The following ECPAS variants were observed in gnomAD, a reference collection of about 807,000 sequenced individuals.
ECPAS encodes the protein proteasome adapter and scaffold protein ECM29.
Under a neutral mutation model 255.1 loss-of-function variants are expected in ECPAS, and 70 were observed. The ratio of observed to expected loss-of-function variants is 0.27; its 90% CI spans 0.23 to 0.33. ECPAS has a LOEUF of 0.33. ECPAS is among the 10% of genes least tolerant of loss of function. The pLI is 1.00. For synonymous variants in ECPAS, 784 were observed against 775.0 expected (o/e 1.01, Z -0.19); for missense variants, 1,817 against 2,206.4 (o/e 0.82, Z 3.54).
At chr9:111,409,119 A>C (rs116977974) in intron 23 of ECPAS, among the ~76,000 whole-genome samples, 2,474 of 152,324 alleles carry the variant, frequency 0.016, 35 homozygotes, top group Non-Finnish European at 0.021. Context: ...TAGAAGATTC[A>C]ATCAATGCAT....
chr9:111,471,326 C>T (rs887493665), intron 2 of ECPAS, among the ~76,000 whole-genome samples: 2 of 152,036 alleles, frequency 1.3e-5, no homozygotes, highest in African/African-American at 2.4e-5. Flanking sequence ...TCTCTAAACG[C>T]CCAAGGAATA....
In ECPAS at chr9:111,484,196, G is replaced by C; in HGVS notation, c.-163C>G. ...GGGCTGTAGAGCGAGGCGTTCGGCG[G>C]GCCGGGCCCCGGGGAGCCGCGCGCC... is the stretch of plus-strand genomic sequence containing the variant. On this transcript the variant is annotated 5_prime_UTR_variant, in exon 1 of 50. Transcript: ENST00000684092. The C allele has an allele frequency of 1.3e-6, 2 of 1,481,838 alleles. No individual in the cohort carries two copies. The highest frequency in any genetic ancestry group is 2.6e-5 in the South Asian group (2 of 77,038). 91.8% of individuals were successfully genotyped at this position (1,481,838 alleles called of 1,614,324 possible).
chr9:111,421,610 CAA>C (rs1454067848), intron 15 of ECPAS, among the ~76,000 whole-genome samples: 1 of 152,072 alleles, frequency 6.6e-6, no homozygotes, highest in East Asian at 1.9e-4. Context: ...TGTTACCTAT[CAA>C]ACTCTACCCC....
At chr9:111,441,776 A>C (rs2098246342) in intron 5 of ECPAS, among the ~76,000 whole-genome samples, 1 of 152,216 alleles carries the variant, frequency 6.6e-6, no homozygotes, top group African/African-American at 2.4e-5. Context: ...AACTGAAAAC[A>C]TGATCTAACT....
Position 111,389,635 on chromosome 9 carries a change from C to T in ECPAS, c.3368G>A (p.Arg1123His), listed in dbSNP as rs769112073. 1.1e-5 allele frequency: 17 copies of T among 1,613,754 alleles called. No homozygotes were observed. The highest frequency in any genetic ancestry group is 4.5e-5 in the East Asian group (2 of 44,880). Reference protein sequence around the residue: ...FLPQLVPRLYRYQFDPNLGIR... With the variant: ...FLPQLVPRLYHYQFDPNLGIR... ...GCCAAGGTTGGGATCAAACTGGTAA[C>T]GATAAAGTCGAGGAACTAGCTGAGG... The change falls in exon 31 of 50, where the codon CGT becomes CAT. Residue 1123 changes from arginine to histidine, a missense_variant. Transcript: ENST00000684092.
chr9:111,362,536 C>T (rs2098114972), intron 49 of ECPAS, among the ~76,000 whole-genome samples: 1 of 151,678 alleles, frequency 6.6e-6, no homozygotes, highest in Middle Eastern at 3.2e-3. Flanking sequence ...AAGACCATTT[C>T]ATAAGATACG....
Position 111,378,747 on chromosome 9 carries a change from C to T in ECPAS, c.3804-17G>A. ...GTGTTAATGCTACAAACATATGGAA[C>T]ACAACTCCTGAGTCCTTTTAACAAA... On this transcript the variant is annotated splice_polypyrimidine_tract_variant and intron_variant, in intron 35 of 49. Transcript: ENST00000684092. The T allele has an allele frequency of 6.3e-7, 1 of 1,595,582 alleles. No individual in the cohort carries two copies. Among genetic ancestry groups the T allele is most frequent in the Non-Finnish European group, 8.6e-7 (1 of 1,167,074 alleles).
At chr9:111,468,705 T>TGTGTGTGTGTGTGTGTGTGTGTGTGTG (rs1554803199) in intron 2 of ECPAS, among the ~76,000 whole-genome samples, 7 of 152,094 alleles carry the variant, frequency 4.6e-5, no homozygotes, top group Admixed American at 1.3e-4. Flanking sequence ...TGTGTGTGTG[T>TGTGTGTGTGTGTGTGTGTGTGTGTGTG]TTCACGTCCA....
intron 35 of ECPAS, among the ~76,000 whole-genome samples, chr9:111,382,008 AACACACACACACAC>A (rs72204951): frequency 1.1e-4 from 16 of 147,016 alleles, no homozygotes; most frequent in Admixed American, 7.4e-4. Flanking sequence ...AATTTTGTAA[AACACACACACACAC>A]ACACACACAC....
intron 46 of ECPAS, 23 bp downstream of exon 46, chr9:111,369,012 C>G: frequency 6.5e-7 from 1 of 1,529,524 alleles, no homozygotes; most frequent in Non-Finnish European, 8.7e-7. Flanking sequence ...TACAGCACTT[C>G]AAATGCAGTT....
chr9:111,464,269 C>A (rs1452311458), intron 2 of ECPAS, among the ~76,000 whole-genome samples: 2 of 142,750 alleles, frequency 1.4e-5, no homozygotes, highest in Non-Finnish European at 3.0e-5. Context: ...TCCATCTCTA[C>A]CAAAAAAAAA....
chr9:111,460,758 A>G (rs1459073278), intron 2 of ECPAS, among the ~76,000 whole-genome samples: 2 of 152,238 alleles, frequency 1.3e-5, no homozygotes, highest in East Asian at 3.8e-4. Flanking sequence ...TCTACACAGA[A>G]AACTAAAATA....
rs2098113847 is a variant in ECPAS, at chr9:111,362,012, G to A, written c.*18C>T. On this transcript the variant is annotated 3_prime_UTR_variant, in exon 50 of 50. Coordinates refer to ENST00000684092, the MANE Select transcript of ECPAS (RefSeq NM_001364929.1). Reference sequence around the variant, plus strand: ...CCCCCAATGAACATGGCACTTGTTTGTTTCTTCCCCTTCTAATTTATTCCA... The same window carrying A: ...CCCCCAATGAACATGGCACTTGTTTATTTCTTCCCCTTCTAATTTATTCCA... The A allele has an allele frequency of 2.5e-6, 4 of 1,608,476 alleles. No individual in the cohort carries two copies. The South Asian group carries it at 4.4e-5, about 18-fold the overall frequency.
chr9:111,366,095 G>T (rs887835467), intron 48 of ECPAS, 144 bp downstream of exon 48: 3 of 556,986 alleles, frequency 5.4e-6, no homozygotes, highest in Non-Finnish European at 9.6e-6. Flanking sequence ...CCAGTTAAGG[G>T]GTACACATGG....
intron 2 of ECPAS, among the ~76,000 whole-genome samples, chr9:111,471,509 G>A (rs2098288144): frequency 6.6e-6 from 1 of 151,984 alleles, no homozygotes; most frequent in African/African-American, 2.4e-5. Flanking sequence ...GGGGAGAAGG[G>A]GTCTAACAGT....
intron 15 of ECPAS, 66 bp from the exon 16 acceptor site, chr9:111,420,186 A>G: frequency 9.5e-7 from 1 of 1,053,684 alleles, no homozygotes; most frequent in Non-Finnish European, 1.5e-6. Context: ...ATCAATTACC[A>G]GCCATTCATT....
chr9:111,366,383 C>A, intron 47 of ECPAS, 56 bp from the exon 48 acceptor site: 1 of 1,418,774 alleles, frequency 7.0e-7, no homozygotes, highest in Non-Finnish European at 9.7e-7. Context: ...CAGTCTAAAA[C>A]TTTCCTGTCA....
chr9:111,424,491 C>T (rs1208877371), intron 12 of ECPAS, among the ~76,000 whole-genome samples: 3 of 152,104 alleles, frequency 2.0e-5, no homozygotes, highest in African/African-American at 4.8e-5. Context: ...GAAAATAATG[C>T]TAATGAATTC....
At chr9:111,408,751 T>C in intron 23 of ECPAS, 79 bp from the exon 24 acceptor site, 1 of 824,912 alleles carries the variant, frequency 1.2e-6, no homozygotes, top group Non-Finnish European at 1.8e-6. Context: ...CAAAATGAGA[T>C]GACAGGGAAG....
Sources: gnomAD v4.1 joint callset for allele counts (sites outside exome capture counted in the v4.1 genomes callset) on GRCh38, gnomAD v4.1.1 for gene constraint, MANE v1.5 for transcripts, NCBI Gene and HGNC (gene_info 2026-07-23, HGNC 2026-07-21) for gene names.